SH3RF3: variants seen among roughly 807,000 people sequenced by gnomAD.
The protein encoded by SH3RF3 is SH3 domain containing ring finger 3, also known as E3 ubiquitin-protein ligase SH3RF3.
Under a neutral mutation model 66.3 loss-of-function variants are expected in SH3RF3, and 29 were observed. The observed-to-expected ratio is 0.44, with a 90% CI of 0.33 to 0.60. SH3RF3 has a LOEUF of 0.60. Ranked by LOEUF, SH3RF3 falls within the 20% of genes least tolerant of loss-of-function variation. The probability of loss-of-function intolerance (pLI) is 0.04; values close to 1 mark genes in which losing one functional copy is unlikely to be tolerated. For missense variants in SH3RF3, 1,194 were observed against 1,190.9 expected, an observed-to-expected ratio of 1.00 and a Z score of -0.04; for synonymous variants, 583 against 532.0, an observed-to-expected ratio of 1.10 and a Z score of -1.32.
chr2:109,145,160 A>G (rs1677062935), intron 1 of SH3RF3, among the ~76,000 whole-genome samples: 1 of 152,126 alleles, frequency 6.6e-6, no homozygotes, highest in African/African-American at 2.4e-5. Flanking sequence ...TTCTCTTGTA[A>G]GGGGCAGTTC....
chr2:109,359,436 ATTTC>A (rs1487594506), intron 2 of SH3RF3, among the ~76,000 whole-genome samples: 6 of 152,026 alleles, frequency 3.9e-5, no homozygotes, highest in Non-Finnish European at 8.8e-5. Context: ...TTCTCCTTTG[ATTTC>A]TTTCATCTGA....
At position 109,288,766 on chromosome 2, in the gene SH3RF3, G is replaced by T. The variant is rs114069250; in HGVS notation, c.574-58908G>T. 8.0e-3 allele frequency among the ~76,000 whole-genome samples: 1,221 copies of T among 152,320 alleles called. 20 individuals are homozygous for T. The highest frequency in any genetic ancestry group is 0.028 in the African/African-American group (1,168 of 41,566). On this transcript the variant is annotated intron_variant, in intron 1 of 9. Coordinates refer to ENST00000309415, the MANE Select transcript of SH3RF3 (RefSeq NM_001099289.3). ...TTGTCATGATGGAAGACACATGGCTGGGACAGCAGATGGCTAGAAAGCTAC... is the reference window on the plus strand; with the variant it reads ...TTGTCATGATGGAAGACACATGGCTTGGACAGCAGATGGCTAGAAAGCTAC...
chr2:109,479,366 A>G (rs987970155), intron 8 of SH3RF3, among the ~76,000 whole-genome samples: 4 of 152,166 alleles, frequency 2.6e-5, no homozygotes, highest in Non-Finnish European at 5.9e-5. Flanking sequence ...TATTTAGAAA[A>G]TACAATTTGC....
chr2:109,350,535 G>C lies in SH3RF3; in HGVS notation c.849+2586G>C, dbSNP rs144504681. ...CTCTGACCCCCAAAGGGCGAGGTCGGGCAGAGATTGGCCACCCCTGCTACC... is the reference window on the plus strand; with the variant it reads ...CTCTGACCCCCAAAGGGCGAGGTCGCGCAGAGATTGGCCACCCCTGCTACC... On this transcript the variant is annotated intron_variant, in intron 2 of 9. Transcript: ENST00000309415. Among the ~76,000 whole-genome samples the C allele has an allele frequency of 4.3e-3, 658 of 152,292 alleles. 2 individuals carry two copies. The highest frequency in any genetic ancestry group is 7.6e-3 in the Non-Finnish European group (515 of 68,020).
intron 1 of SH3RF3, among the ~76,000 whole-genome samples, chr2:109,289,937 C>G (rs1681122284): frequency 6.6e-6 from 1 of 152,146 alleles, no homozygotes; most frequent in Non-Finnish European, 1.5e-5. Context: ...AAATCCAAAG[C>G]CTATGGGGCT....
chr2:109,204,208 G>A (rs12611726), intron 1 of SH3RF3, among the ~76,000 whole-genome samples: 41,810 of 152,054 alleles, frequency 0.27, 6,092 homozygotes, highest in East Asian at 0.46. Flanking sequence ...TTATCTGTCT[G>A]TATGTCTGTC....
chr2:109,136,717 C>T (rs1478161382), intron 1 of SH3RF3, among the ~76,000 whole-genome samples: 1 of 152,120 alleles, frequency 6.6e-6, no homozygotes, highest in African/African-American at 2.4e-5. Flanking sequence ...ATGGTATTTG[C>T]ATTTCCACTT....
intron 1 of SH3RF3, among the ~76,000 whole-genome samples, chr2:109,187,476 A>G (rs1189116026): frequency 5.3e-5 from 8 of 152,144 alleles, no homozygotes; most frequent in African/African-American, 1.9e-4. Flanking sequence ...AATTGCATAT[A>G]CTGTGTGATA....
chr2:109,394,302 T>C (rs1676083321), intron 3 of SH3RF3, among the ~76,000 whole-genome samples: 1 of 152,096 alleles, frequency 6.6e-6, no homozygotes, highest in African/African-American at 2.4e-5. Context: ...GACCATAGGG[T>C]GGTAAGCGGG....
chr2:109,249,509 CATTCTTTCTTT>C (rs1680013841), intron 1 of SH3RF3, among the ~76,000 whole-genome samples: 1 of 66,356 alleles, frequency 1.5e-5, no homozygotes, highest in African/African-American at 5.6e-5. Flanking sequence ...TTCTTTCTTT[CATTCTTTCTTT>C]TTCTTTCTTT....
chr2:109,324,741 C>T (rs11692866), intron 1 of SH3RF3, among the ~76,000 whole-genome samples: 56,060 of 152,102 alleles, frequency 0.37, 11,910 homozygotes, highest in Non-Finnish European at 0.48. Context: ...GCTGCATAAG[C>T]GCCAAATGAC....
chr2:109,213,246 G>A (rs1251387830), intron 1 of SH3RF3, among the ~76,000 whole-genome samples: 2 of 152,166 alleles, frequency 1.3e-5, no homozygotes, highest in Non-Finnish European at 2.9e-5. Flanking sequence ...GCTCAGTGAT[G>A]TACTCAGGAC....
intron 1 of SH3RF3, among the ~76,000 whole-genome samples, chr2:109,215,215 C>G (rs1400226425): frequency 6.6e-6 from 1 of 152,160 alleles, no homozygotes; most frequent in African/African-American, 2.4e-5. Flanking sequence ...CCCTCATGGT[C>G]CCTGCCCCCT....
In SH3RF3 at chr2:109,398,577, C is replaced by T. The variant is rs1240308533; in HGVS notation, c.946-13C>T. The T allele has an allele frequency of 2.6e-6, 4 of 1,539,272 alleles. No individual in the cohort carries two copies. Among genetic ancestry groups the T allele is most frequent in the South Asian group, 1.2e-5 (1 of 83,860 alleles). On this transcript the variant is annotated splice_polypyrimidine_tract_variant and intron_variant, in intron 3 of 9. Coordinates refer to ENST00000309415, the MANE Select transcript of SH3RF3 (RefSeq NM_001099289.3). Reference sequence around the variant, plus strand: ...GATTTAATGCAGCCTCCCCTCTCCCCTTTCTCACTCAGCTCAATGACTCCG... The same window carrying T: ...GATTTAATGCAGCCTCCCCTCTCCCTTTTCTCACTCAGCTCAATGACTCCG...
chr2:109,440,494 T>G (rs928131299), intron 7 of SH3RF3, among the ~76,000 whole-genome samples: 2 of 152,248 alleles, frequency 1.3e-5, no homozygotes, highest in Non-Finnish European at 2.9e-5. Context: ...CATAGTCATA[T>G]TTTTGTATTT....
At chr2:109,494,317 T>C (rs1434076545) in intron 9 of SH3RF3, among the ~76,000 whole-genome samples, 1 of 152,108 alleles carries the variant, frequency 6.6e-6, no homozygotes, top group Non-Finnish European at 1.5e-5. Flanking sequence ...ACCCAAGCAC[T>C]CTGTAGCACT....
intron 8 of SH3RF3, among the ~76,000 whole-genome samples, chr2:109,453,930 G>A (rs983826900): frequency 2.0e-5 from 3 of 152,168 alleles, no homozygotes; most frequent in Non-Finnish European, 2.9e-5. Context: ...GGCCAGGGAC[G>A]GGAGAGGTAG....
chr2:109,197,143 GCT>G (rs1438638398), intron 1 of SH3RF3, among the ~76,000 whole-genome samples: 1 of 152,206 alleles, frequency 6.6e-6, no homozygotes, highest in Non-Finnish European at 1.5e-5. Flanking sequence ...TGTGCAGATG[GCT>G]CCTGAGCTCC....
At chr2:109,498,193 G>A (rs756349787) in intron 9 of SH3RF3, among the ~76,000 whole-genome samples, 4 of 152,218 alleles carry the variant, frequency 2.6e-5, no homozygotes, top group Non-Finnish European at 4.4e-5. Flanking sequence ...AGTCTGGTTC[G>A]CCGGCAGATA....
Sources: gnomAD v4.1 joint callset for allele counts (sites outside exome capture counted in the v4.1 genomes callset) on GRCh38, gnomAD v4.1.1 for gene constraint, MANE v1.5 for transcripts, NCBI Gene and HGNC (gene_info 2026-07-23, HGNC 2026-07-21) for gene names.